Variants in LARGE1 observed in about 807,000 individuals in gnomAD.
LARGE1 encodes LARGE xylosyl- and glucuronyltransferase 1.
In LARGE1, 43 loss-of-function variants were observed where a neutral mutation model predicts 87.6. The ratio of observed to expected loss-of-function variants is 0.49; its 90% CI spans 0.38 to 0.63. The LOEUF is 0.63. LARGE1 is among the 30% of genes least tolerant of loss of function. The pLI, the probability that LARGE1 is intolerant of heterozygous loss-of-function variation, is 0.00. For missense variants in LARGE1, 802 were observed against 1,000.2 expected, an observed-to-expected ratio of 0.80 and a Z score of 2.67; for synonymous variants, 434 against 394.6, an observed-to-expected ratio of 1.10 and a Z score of -1.18.
intron 4 of LARGE1, among the ~76,000 whole-genome samples, chr22:33,618,009 A>T (rs978844609): frequency 6.6e-6 from 1 of 152,246 alleles, no homozygotes; most frequent in Non-Finnish European, 1.5e-5. Context: ...ATATACAAGG[A>T]CATTTGAGCT....
At chr22:33,068,382 A>G in the LARGE1 span, among the ~76,000 whole-genome samples, 1 of 152,192 alleles carries the variant, frequency 6.6e-6, no homozygotes, top group Non-Finnish European at 1.5e-5. Context: ...ACGGTGGCTC[A>G]CGCCTGTAAT....
intron 1 of LARGE1, among the ~76,000 whole-genome samples, chr22:33,815,059 A>G (rs1412110813): frequency 6.6e-6 from 1 of 152,248 alleles, no homozygotes; most frequent in Non-Finnish European, 1.5e-5. Flanking sequence ...TAATAAGAAT[A>G]GCCCAGTAAA....
chr22:33,442,799 T>C (rs1442067626), intron 6 of LARGE1, among the ~76,000 whole-genome samples: 2 of 151,580 alleles, frequency 1.3e-5, no homozygotes, highest in Non-Finnish European at 2.9e-5. Flanking sequence ...GATAGCTTTT[T>C]TTTTTTTTTT....
chr22:33,296,706 T>G (rs1933324063), intron 12 of LARGE1, among the ~76,000 whole-genome samples: 1 of 151,996 alleles, frequency 6.6e-6, no homozygotes, highest in Non-Finnish European at 1.5e-5. Flanking sequence ...GTAGCTGGGA[T>G]TACAGGCATG....
intron 14 of LARGE1, 101 bp from the exon 15 acceptor site, chr22:33,274,725 G>C (rs1928863397): frequency 9.7e-7 from 1 of 1,032,136 alleles, no homozygotes. Flanking sequence ...TGAATGACTT[G>C]ATAATGGCAC....
chr22:33,722,905 G>A (rs941336667), intron 2 of LARGE1, among the ~76,000 whole-genome samples: 1 of 152,168 alleles, frequency 6.6e-6, no homozygotes, highest in Non-Finnish European at 1.5e-5. Context: ...TGAGGTCGGA[G>A]CTTGGGGGTG....
At chr22:33,404,280 C>CA (rs1160052232) in intron 7 of LARGE1, among the ~76,000 whole-genome samples, 1 of 152,160 alleles carries the variant, frequency 6.6e-6, no homozygotes, top group Non-Finnish European at 1.5e-5. Context: ...GAATTAGCCA[C>CA]AAGTGCAAAG....
chr22:33,203,101 CTGTG>C (rs1324075899), intron 11 of LARGE1, among the ~76,000 whole-genome samples: 2 of 108,620 alleles, frequency 1.8e-5, no homozygotes, highest in South Asian at 3.3e-4. Context: ...CTCTCTCTCT[CTGTG>C]TGTGTGTGTG....
chr22:33,083,960 G>T, the LARGE1 span, among the ~76,000 whole-genome samples: 1 of 152,142 alleles, frequency 6.6e-6, no homozygotes. Context: ...GGCCCCTCAT[G>T]ATCTAATTTG....
chr22:33,856,152 C>A (rs546376826), intron 1 of LARGE1, among the ~76,000 whole-genome samples: 20 of 152,278 alleles, frequency 1.3e-4, no homozygotes, highest in African/African-American at 4.8e-4. Flanking sequence ...AACCAAACTT[C>A]CACTGAAAAG....
downstream of LARGE1, among the ~76,000 whole-genome samples, chr22:33,271,974 A>G (rs775380737): frequency 3.3e-5 from 5 of 152,242 alleles, no homozygotes; most frequent in African/African-American, 4.8e-5. Context: ...GTTTATGCCT[A>G]TTGTGTAAAA....
intron 1 of LARGE1, among the ~76,000 whole-genome samples, chr22:33,820,795 T>C (rs745559445): frequency 2.4e-4 from 36 of 152,280 alleles, no homozygotes; most frequent in Middle Eastern, 3.4e-3. Context: ...GCTTGCTATA[T>C]CCACACTTGC....
intron 12 of LARGE1, among the ~76,000 whole-genome samples, chr22:33,298,332 T>C (rs369187293): frequency 1.3e-5 from 2 of 152,232 alleles, no homozygotes; most frequent in African/African-American, 4.8e-5. Context: ...CCTGAAACAG[T>C]GCCTGGCCAC....
At chr22:33,078,925 T>C in the LARGE1 span, among the ~76,000 whole-genome samples, 1 of 152,190 alleles carries the variant, frequency 6.6e-6, no homozygotes, top group South Asian at 2.1e-4. Flanking sequence ...AAATATCACG[T>C]GCAAAGGCAT....
chr22:33,216,096 T>G (rs1255371275), intron 11 of LARGE1, among the ~76,000 whole-genome samples: 1 of 152,256 alleles, frequency 6.6e-6, no homozygotes, highest in African/African-American at 2.4e-5. Flanking sequence ...TTTTACAGAA[T>G]ACTCCTTCCT....
In LARGE1 at chr22:33,407,505, G is replaced by A. The variant is rs185725670; in HGVS notation, c.893-23201C>T. Among the ~76,000 whole-genome samples the A allele has an allele frequency of 2.8e-3, 426 of 152,224 alleles. 2 individuals carry two copies. The highest frequency in any genetic ancestry group is 3.6e-3 in the Non-Finnish European group (242 of 68,018). ...TATCTTTCTTTTTGTGCCTATATAG[G>A]AAATTATATTTGTATATAATTAAGG... On this transcript the variant is annotated intron_variant, in intron 7 of 14. Coordinates refer to ENST00000397394, the MANE Select transcript of LARGE1 (RefSeq NM_133642.5).
chr22:33,853,729 T>C (rs764025), intron 1 of LARGE1, among the ~76,000 whole-genome samples: 30,012 of 152,250 alleles, frequency 0.2, 3,095 homozygotes, highest in Middle Eastern at 0.28. Flanking sequence ...TGGAAACAGC[T>C]TGGTGCCAGA....
intron 5 of LARGE1, among the ~76,000 whole-genome samples, chr22:33,589,853 C>T (rs988749082): frequency 5.3e-5 from 8 of 152,144 alleles, no homozygotes; most frequent in African/African-American, 1.9e-4. Context: ...CTTTACCCTC[C>T]TCTAGTTTCC....
chr22:33,380,682 A>G (rs2065127636), intron 9 of LARGE1, among the ~76,000 whole-genome samples: 1 of 152,246 alleles, frequency 6.6e-6, no homozygotes, highest in African/African-American at 2.4e-5. Context: ...TAATACCCAC[A>G]TGGGGACATG....
Sources: allele counts gnomAD v4.1 joint callset (sites outside exome capture counted in the v4.1 genomes callset), GRCh38; gene constraint gnomAD v4.1.1; transcripts MANE v1.5; gene names NCBI Gene and HGNC (gene_info 2026-07-23, HGNC 2026-07-21).